ARHGEF33: variants seen among roughly 807,000 people sequenced by gnomAD.
ARHGEF33 encodes Rho guanine nucleotide exchange factor 33, also known as DH and coiled-coil domain-containing protein ENSP00000381780.
In ARHGEF33, 72 loss-of-function variants were observed where a neutral mutation model predicts 101.9. The observed-to-expected ratio is 0.71, with a 90% CI of 0.58 to 0.86. The LOEUF is 0.86. Ranked by LOEUF, ARHGEF33 falls within the 40% of genes least tolerant of loss-of-function variation. The probability of loss-of-function intolerance (pLI) is 0.00; values close to 1 mark genes in which losing one functional copy is unlikely to be tolerated. For missense variants in ARHGEF33, 1,169 were observed against 1,111.3 expected (o/e 1.05, Z -0.74); for synonymous variants, 499 against 442.5 (o/e 1.13, Z -1.60).
intron 2 of ARHGEF33, among the ~76,000 whole-genome samples, chr2:38,903,361 A>G (rs1486904450): frequency 6.6e-6 from 1 of 152,216 alleles, no homozygotes; most frequent in Non-Finnish European, 1.5e-5. Context: ...AAAAATGTAT[A>G]GGAAGAAGTT....
intron 13 of ARHGEF33, among the ~76,000 whole-genome samples, chr2:38,954,988 A>G (rs1238308266): frequency 6.6e-6 from 1 of 152,134 alleles, no homozygotes; most frequent in Non-Finnish European, 1.5e-5. Flanking sequence ...CTGAAGTTCT[A>G]TCTTTACTTA....
intron 5 of ARHGEF33, 123 bp downstream of exon 5, chr2:38,929,194 G>T: frequency 1.6e-6 from 1 of 636,146 alleles, no homozygotes; most frequent in Non-Finnish European, 2.6e-6. Flanking sequence ...ACTTTGGGAG[G>T]CCGAGGCAGG....
intron 2 of ARHGEF33, among the ~76,000 whole-genome samples, chr2:38,913,215 C>A (rs563982133): frequency 1.3e-5 from 2 of 152,022 alleles, no homozygotes; most frequent in South Asian, 2.1e-4. Flanking sequence ...TAAGGAAATA[C>A]GTAGTTTCCT....
Position 38,895,782 on chromosome 2 carries a change from C to G in ARHGEF33, c.-153C>G, listed in dbSNP as rs1353134402. ...TTTTTTTTTTTTTTTTACAGAACTT[C>G]TAGAGAAAACAAGAAGAAGACTTCA... is the stretch of plus-strand genomic sequence containing the variant. On this transcript the variant is annotated 5_prime_UTR_variant, in exon 2 of 18. Transcript: ENST00000409978. The G allele has an allele frequency of 6.8e-6, 1 of 147,282 alleles. No individual in the cohort carries two copies. Among genetic ancestry groups the G allele is most frequent in the African/African-American group, 2.6e-5 (1 of 38,990 alleles). 9.1% of individuals were successfully genotyped at this position (147,282 alleles called of 1,614,324 possible).
chr2:38,902,101 C>G (rs1237776698), intron 2 of ARHGEF33, among the ~76,000 whole-genome samples: 2 of 141,764 alleles, frequency 1.4e-5, no homozygotes, highest in Non-Finnish European at 3.0e-5. Flanking sequence ...GGTGACAGAG[C>G]AGCCTGGGTG....
chr2:38,958,730 G>A (rs1667837867), intron 15 of ARHGEF33, among the ~76,000 whole-genome samples: 2 of 151,760 alleles, frequency 1.3e-5, no homozygotes, highest in South Asian at 4.2e-4. Flanking sequence ...TTTTGAGACC[G>A]AGGTACAATG....
intron 10 of ARHGEF33, among the ~76,000 whole-genome samples, chr2:38,948,332 G>A (rs1260122512): frequency 6.6e-6 from 1 of 152,196 alleles, no homozygotes; most frequent in Non-Finnish European, 1.5e-5. Flanking sequence ...AGAATCCACT[G>A]TAGGTCATTG....
chr2:38,921,470 T>C (rs1178574532), intron 4 of ARHGEF33, 47 bp downstream of exon 4: 27 of 1,218,764 alleles, frequency 2.2e-5, no homozygotes, highest in Non-Finnish European at 3.1e-5. Context: ...ATAATAGCAA[T>C]GACTGACTAT....
rs1361591873 is a variant in ARHGEF33, at chr2:38,955,849, G to A, written c.1222-1050G>A. Among the ~76,000 whole-genome samples, 6 of 151,750 alleles carry A rather than the reference G, an allele frequency of 4.0e-5. No individual in the cohort carries two copies. In the East Asian group the frequency reaches 1.2e-3, roughly 29 times the overall value. ...CCACCACCACACCCGGCTAATTTTT[G>A]TGTTTTTAGTGGAGATGGGGTTTCA... On this transcript the variant is annotated intron_variant, in intron 13 of 17. Transcript: ENST00000409978.
intron 13 of ARHGEF33, 92 bp downstream of exon 13, chr2:38,954,548 G>T (rs1004664635): frequency 3.3e-5 from 24 of 733,844 alleles, no homozygotes; most frequent in Non-Finnish European, 4.5e-5. Flanking sequence ...AAAGCCTCAA[G>T]AATCATTAAT....
At chr2:38,936,592 C>A (rs1177066192) in intron 8 of ARHGEF33, among the ~76,000 whole-genome samples, 1 of 152,144 alleles carries the variant, frequency 6.6e-6, no homozygotes, top group Non-Finnish European at 1.5e-5. Context: ...ACAGAGGGAA[C>A]CCCGTGCAGC....
In ARHGEF33 at chr2:38,944,026, A is replaced by T; in HGVS notation, c.916A>T (p.Arg306Ter). 1 of 1,550,074 alleles carries T rather than the reference A, an allele frequency of 6.5e-7. No individual in the cohort carries two copies. The highest frequency in any genetic ancestry group is 8.7e-7 in the Non-Finnish European group (1 of 1,146,292). Reference sequence around the variant, plus strand: ...AGATGGAAAGAGGAATTCCAAAGAGAGAAGGTATCCATGCACTCATTGCCT... The same window carrying T: ...AGATGGAAAGAGGAATTCCAAAGAGTGAAGGTATCCATGCACTCATTGCCT... ...GSDGKRNSKE[R>*]SLFPGSLRYL... The change falls in exon 10 of 18, where the codon AGA (arginine) becomes TGA (stop). Residue 306 changes from arginine (R) to a stop codon, truncating the protein, a stop_gained. Coordinates refer to ENST00000409978, the MANE Select transcript of ARHGEF33 (RefSeq NM_001145451.5). LOFTEE classifies it high-confidence loss of function.
At chr2:38,921,051 T>A (rs1666745419) in intron 3 of ARHGEF33, among the ~76,000 whole-genome samples, 1 of 152,298 alleles carries the variant, frequency 6.6e-6, no homozygotes, top group African/African-American at 2.4e-5. Flanking sequence ...CTCAAGAACA[T>A]AAGGGAGACA....
chr2:38,948,625 A>G (rs1051788292), intron 10 of ARHGEF33, among the ~76,000 whole-genome samples: 1 of 152,128 alleles, frequency 6.6e-6, no homozygotes, highest in Non-Finnish European at 1.5e-5. Flanking sequence ...AGGAAAGAAA[A>G]AGGAAATCGA....
At chr2:38,962,491 A>G (rs1329395907) in intron 16 of ARHGEF33, among the ~76,000 whole-genome samples, 2 of 152,184 alleles carry the variant, frequency 1.3e-5, no homozygotes, top group Non-Finnish European at 1.5e-5. Flanking sequence ...AAATAACAAT[A>G]ACAGTGTATC....
chr2:38,950,493 C>T (rs1172466653), intron 10 of ARHGEF33, among the ~76,000 whole-genome samples: 3 of 151,926 alleles, frequency 2.0e-5, no homozygotes, highest in Non-Finnish European at 4.4e-5. Context: ...GCTTTGTTAC[C>T]CAGGCTGGGG....
intron 12 of ARHGEF33, among the ~76,000 whole-genome samples, chr2:38,954,148 G>T (rs1030501571): frequency 5.3e-5 from 8 of 152,220 alleles, no homozygotes; most frequent in African/African-American, 1.9e-4. Flanking sequence ...AATTTGGGTG[G>T]ATTCAAAATA....
intron 17 of ARHGEF33, 131 bp from the exon 18 acceptor site, chr2:38,973,583 G>T: frequency 1.0e-6 from 1 of 973,620 alleles, no homozygotes; most frequent in Non-Finnish European, 1.4e-6. Context: ...ATGAAATTCA[G>T]GGGAGTAAAA....
chr2:38,929,589 C>T, intron 5 of ARHGEF33, 120 bp from the exon 6 acceptor site: 1 of 783,440 alleles, frequency 1.3e-6, no homozygotes, highest in East Asian at 3.3e-5. Flanking sequence ...ATTTTTTAAT[C>T]TCTCATTCAT....
Sources: gnomAD v4.1 joint callset for allele counts (sites outside exome capture counted in the v4.1 genomes callset) on GRCh38, gnomAD v4.1.1 for gene constraint, MANE v1.5 for transcripts, NCBI Gene and HGNC (gene_info 2026-07-23, HGNC 2026-07-21) for gene names.